The following CHLSN variants were observed in gnomAD, a reference collection of about 807,000 sequenced individuals.
CHLSN encodes cholesin, also known as protein cholesin.
chr7:1,035,115 A>C, the CHLSN span, among the ~76,000 whole-genome samples: 1 of 152,096 alleles, frequency 6.6e-6, no homozygotes, highest in African/African-American at 2.4e-5. Flanking sequence ...TGTCTTTGCT[A>C]TTGTGAACAG....
At chr7:1,032,713 G>A in the CHLSN span, among the ~76,000 whole-genome samples, 4 of 152,246 alleles carry the variant, frequency 2.6e-5, no homozygotes, top group Non-Finnish European at 1.5e-5. Flanking sequence ...TGACAGTGGT[G>A]CCCTTGGGCT....
the CHLSN span, among the ~76,000 whole-genome samples, chr7:1,086,097 C>T: frequency 2.0e-5 from 3 of 152,226 alleles, no homozygotes; most frequent in East Asian, 1.9e-4. Flanking sequence ...CTAGGAGTAT[C>T]GGCCACTCGC....
chr7:1,079,079 C>A, the CHLSN span, among the ~76,000 whole-genome samples: 1 of 152,034 alleles, frequency 6.6e-6, no homozygotes, highest in African/African-American at 2.4e-5. Context: ...GGTGAATGGC[C>A]GGCTGAGGAG....
the CHLSN span, among the ~76,000 whole-genome samples, chr7:1,089,396 G>C: frequency 1.1e-4 from 16 of 151,806 alleles, no homozygotes; most frequent in East Asian, 3.1e-3. Flanking sequence ...CACTGCAGTA[G>C]CTCAGGCTCG....
At chr7:1,057,787 G>A in the CHLSN span, 18 of 775,876 alleles carry the variant, frequency 2.3e-5, 1 homozygote, top group East Asian at 9.7e-5. Context: ...CCGAGCTCCC[G>A]GTGGGCGCTG....
the CHLSN span, among the ~76,000 whole-genome samples, chr7:1,039,122 G>A: frequency 1.1e-4 from 5 of 46,418 alleles, no homozygotes; most frequent in Admixed American, 1.8e-4. Flanking sequence ...GCCTCTGCCC[G>A]GCCGCCCCTA....
the CHLSN span, among the ~76,000 whole-genome samples, chr7:1,008,996 TACACGC>T: frequency 1.9e-5 from 1 of 53,178 alleles, no homozygotes; most frequent in African/African-American, 1.1e-4. Context: ...CGAACACACA[TACACGC>T]ACACACACAC....
At chr7:1,112,875 C>T in the CHLSN span, among the ~76,000 whole-genome samples, 2 of 152,184 alleles carry the variant, frequency 1.3e-5, no homozygotes, top group Non-Finnish European at 1.5e-5. Context: ...CCGGCAGCCA[C>T]GTCCTGGGCA....
chr7:986,112 T>A, the CHLSN span, among the ~76,000 whole-genome samples: 1 of 152,126 alleles, frequency 6.6e-6, no homozygotes, highest in African/African-American at 2.4e-5. Context: ...TGCCAGCTCC[T>A]TACCACAGAG....
the CHLSN span, among the ~76,000 whole-genome samples, chr7:1,006,457 G>A: frequency 6.8e-6 from 1 of 146,058 alleles, no homozygotes; most frequent in African/African-American, 2.6e-5. Flanking sequence ...AGCACACGAC[G>A]GCCACAGCGC....
chr7:1,131,640 A>T, the CHLSN span, among the ~76,000 whole-genome samples: 3 of 152,254 alleles, frequency 2.0e-5, no homozygotes. Flanking sequence ...CTGTTGACAC[A>T]GGGGCTCTGG....
At chr7:1,058,346 G>A in the CHLSN span, 7 of 779,114 alleles carry the variant, frequency 9.0e-6, no homozygotes, top group African/African-American at 1.7e-5. Context: ...TGCACTTTGT[G>A]AAGGATTTCT....
chr7:1,132,957 A>G, the CHLSN span, among the ~76,000 whole-genome samples: 1 of 152,182 alleles, frequency 6.6e-6, no homozygotes, highest in Non-Finnish European at 1.5e-5. Context: ...AGAAACGAAC[A>G]CATCTCCATA....
the CHLSN span, chr7:985,254 C>T: frequency 2.6e-6 from 4 of 1,551,836 alleles, no homozygotes; most frequent in Admixed American, 5.9e-5. Context: ...ACTACCGGGA[C>T]CCCGTGTTTG....
At chr7:1,124,841 C>A in the CHLSN span, among the ~76,000 whole-genome samples, 2 of 152,222 alleles carry the variant, frequency 1.3e-5, no homozygotes, top group East Asian at 1.9e-4. Context: ...TCAGGTGGAA[C>A]GCGGGGCTGC....
chr7:1,011,933 C>T, the CHLSN span, among the ~76,000 whole-genome samples: 1 of 152,330 alleles, frequency 6.6e-6, no homozygotes, highest in East Asian at 1.9e-4. Flanking sequence ...ACCCACCAGG[C>T]CAGGCACGCA....
the CHLSN span, among the ~76,000 whole-genome samples, chr7:1,002,330 T>TGA: frequency 4.0e-5 from 4 of 99,288 alleles, no homozygotes; most frequent in African/African-American, 1.2e-4. Context: ...ATCCTGTGGG[T>TGA]GTGGAGCCCT....
chr7:1,117,957 T>C, the CHLSN span, among the ~76,000 whole-genome samples: 1 of 152,116 alleles, frequency 6.6e-6, no homozygotes, highest in African/African-American at 2.4e-5. Context: ...CACAGGCCTG[T>C]GCTTATTCAA....
chr7:1,111,386 G>A, the CHLSN span, among the ~76,000 whole-genome samples: 35 of 152,368 alleles, frequency 2.3e-4, no homozygotes, highest in Non-Finnish European at 4.7e-4. Flanking sequence ...TTCTCAAAGT[G>A]CAACTTTAAG....
Sources: gnomAD v4.1 joint callset for allele counts (sites outside exome capture counted in the v4.1 genomes callset) on GRCh38, gnomAD v4.1.1 for gene constraint, MANE v1.5 for transcripts, NCBI Gene and HGNC (gene_info 2026-07-23, HGNC 2026-07-21) for gene names.